AKAP11: variants seen among roughly 807,000 people sequenced by gnomAD.
The protein encoded by AKAP11 is A-kinase anchoring protein 11, also known as A-kinase anchor protein 11.
In AKAP11, 36 loss-of-function variants were observed where a neutral mutation model predicts 146.1. The observed-to-expected ratio is 0.25, with a 90% CI of 0.19 to 0.33. The LOEUF is 0.33. AKAP11 is among the 10% of genes least tolerant of loss of function. The probability of loss-of-function intolerance (pLI) is 1.00; values close to 1 mark genes in which losing one functional copy is unlikely to be tolerated. For missense variants in AKAP11, 2,201 were observed against 2,197.0 expected, an observed-to-expected ratio of 1.00 and a Z score of -0.04; for synonymous variants, 780 against 786.5, an observed-to-expected ratio of 0.99 and a Z score of 0.14.
chr13:42,314,343 G>A lies in AKAP11; in HGVS notation c.5404+403G>A, dbSNP rs115022859. Among the ~76,000 whole-genome samples the A allele has an allele frequency of 9.3e-3, 1,401 of 151,360 alleles. 24 individuals carry two copies. Among genetic ancestry groups the A allele is most frequent in the African/African-American group, 0.032 (1,306 of 41,218 alleles). On this transcript the variant is annotated intron_variant, in intron 11 of 12. Coordinates refer to ENST00000025301, the MANE Select transcript of AKAP11 (RefSeq NM_016248.4). ...ACCTGTAATCCCAGCTATTTGAGAG[G>A]CTGAGGCGCAGGATTCACTTGAACC... is the stretch of plus-strand genomic sequence containing the variant.
intron 7 of AKAP11, 133 bp downstream of exon 7, chr13:42,298,930 T>C: frequency 1.1e-6 from 1 of 912,778 alleles, no homozygotes; most frequent in Non-Finnish European, 1.6e-6. Context: ...ACTTTTTTTC[T>C]GATTACCTAA....
chr13:42,282,692 G>A (rs1959090125), intron 1 of AKAP11, among the ~76,000 whole-genome samples: 1 of 151,892 alleles, frequency 6.6e-6, no homozygotes, highest in Non-Finnish European at 1.5e-5. Flanking sequence ...CTGCTTTTTT[G>A]TTATTTCTAA....
At chr13:42,318,483 T>C (rs192717159) in intron 12 of AKAP11, among the ~76,000 whole-genome samples, 23 of 152,324 alleles carry the variant, frequency 1.5e-4, no homozygotes, top group African/African-American at 4.8e-4. Flanking sequence ...CTTAAGAGCT[T>C]TTACAGAACT....
In AKAP11 at chr13:42,303,045, C is replaced by G; in HGVS notation, c.4299C>G (p.Tyr1433Ter). The G allele has an allele frequency of 1.2e-6, 2 of 1,612,924 alleles. No homozygotes were observed. The highest frequency in any genetic ancestry group is 1.7e-6 in the Non-Finnish European group (2 of 1,179,798). The change falls in exon 8 of 13, where the codon TAC becomes TAG. Residue 1433 changes from tyrosine (Y) to a stop codon, truncating the protein, a stop_gained. Transcript: ENST00000025301. LOFTEE classifies it high-confidence loss of function. Reference sequence around the variant, plus strand: ...GACAAAGTAAAAGAAATGAAGGTTACTTTTGTAAAAATCAAACTTGTGAAA... The same window carrying G: ...GACAAAGTAAAAGAAATGAAGGTTAGTTTTGTAAAAATCAAACTTGTGAAA... The part of the protein sequence containing the change: ...KKRQSKRNEG[Y>*]FCKNQTCERT...
At chr13:42,316,327 C>T (rs982554509) in intron 11 of AKAP11, among the ~76,000 whole-genome samples, 2 of 151,906 alleles carry the variant, frequency 1.3e-5, no homozygotes, top group Non-Finnish European at 2.9e-5. Flanking sequence ...GCCAGCATGC[C>T]CTGGTGCTCA....
Position 42,301,383 on chromosome 13 carries a change from G to C in AKAP11, c.2637G>C (p.Val879=), listed in dbSNP as rs756555186. ...PAIISNFSAA[V]VHTIVNETLE... ...TTATTAGCAACTTTTCTGCAGCAGTGGTGCATACGATAGTAAATGAAACTT... is the reference window on the plus strand; with the variant it reads ...TTATTAGCAACTTTTCTGCAGCAGTCGTGCATACGATAGTAAATGAAACTT... The change falls in exon 8 of 13, where the codon GTG becomes GTC. Residue 879 remains valine (V), a synonymous_variant. Coordinates refer to ENST00000025301, the MANE Select transcript of AKAP11 (RefSeq NM_016248.4). 6.2e-7 allele frequency: 1 copy of C among 1,612,656 alleles called. No homozygotes were observed. Among genetic ancestry groups the C allele is most frequent in the Non-Finnish European group, 8.5e-7 (1 of 1,179,464 alleles).
chr13:42,318,737 C>T (rs1960946938), intron 12 of AKAP11, among the ~76,000 whole-genome samples: 1 of 151,978 alleles, frequency 6.6e-6, no homozygotes, highest in Non-Finnish European at 1.5e-5. Context: ...ATTTTATGTC[C>T]TAATTGAGGG....
chr13:42,301,790 T>G lies in AKAP11; in HGVS notation c.3044T>G (p.Val1015Gly), dbSNP rs1472184259. ...GTTCCAGAATGTAAAGTTTCTATGG[T>G]TCATGGATCCTCCCTAGAGACACTG... ...DCVPECKVSMVHGSSLETLPS... is the reference protein window; with the variant it reads ...DCVPECKVSMGHGSSLETLPS... The change falls in exon 8 of 13, where the codon GTT becomes GGT. Residue 1015 changes from valine to glycine, a missense_variant. By Grantham distance (109) the Val-to-Gly change is moderately radical. Transcript: ENST00000025301. 2 of 1,614,112 alleles carry G rather than the reference T, an allele frequency of 1.2e-6. No individual in the cohort carries two copies. Among genetic ancestry groups the G allele is most frequent in the Non-Finnish European group, 8.5e-7 (1 of 1,179,984 alleles).
intron 3 of AKAP11, among the ~76,000 whole-genome samples, chr13:42,290,956 A>G (rs186907478): frequency 1.3e-5 from 2 of 152,318 alleles, no homozygotes; most frequent in African/African-American, 4.8e-5. Context: ...ACTGAAGGTC[A>G]TTGTTTCTAA....
At position 42,303,206 on chromosome 13, in the gene AKAP11, C is replaced by A; in HGVS notation, c.4460C>A (p.Ser1487Tyr). 1 of 1,614,134 alleles carries A rather than the reference C, an allele frequency of 6.2e-7. No individual in the cohort carries two copies. The highest frequency in any genetic ancestry group is 1.1e-5 in the South Asian group (1 of 91,074). The change falls in exon 8 of 13, where the codon TCT (serine) becomes TAT (tyrosine). Residue 1487 changes from serine (S) to tyrosine (Y), a missense_variant. Transcript: ENST00000025301. ...LVGLPKSLTDSCLFEKSGYEE... is the reference protein window; with the variant it reads ...LVGLPKSLTDYCLFEKSGYEE... ...GGCCTACCAAAATCCTTAACAGATT[C>A]TTGCTTGTTTGAAAAATCTGGATAT...
intron 2 of AKAP11, 66 bp from the exon 3 acceptor site, chr13:42,286,234 T>A (rs1366539370): frequency 3.4e-6 from 2 of 594,064 alleles, no homozygotes; most frequent in Non-Finnish European, 5.6e-6. Context: ...TAAATTAATT[T>A]AGCACAAAAT....
Position 42,306,939 on chromosome 13 carries a change from G to C in AKAP11, c.5118-1515G>C, listed in dbSNP as rs570796116. Among the ~76,000 whole-genome samples, 278 of 152,232 alleles carry C rather than the reference G, an allele frequency of 1.8e-3. 1 individual carries two copies. The highest frequency in any genetic ancestry group is 3.0e-3 in the Non-Finnish European group (203 of 68,016). On this transcript the variant is annotated intron_variant, in intron 8 of 12. Transcript: ENST00000025301. ...GAGCTCAAGCAATCCTCCTGCCCTA[G>C]CCTCCCAAAGTGCTGAGATTGCAAG...
chr13:42,276,350 G>T (rs1958917969), intron 1 of AKAP11, among the ~76,000 whole-genome samples: 1 of 152,110 alleles, frequency 6.6e-6, no homozygotes, highest in South Asian at 2.1e-4. Flanking sequence ...GGGCTCAAGC[G>T]ATTCTCCCTT....
Position 42,296,120 on chromosome 13 carries a change from G to A in AKAP11, c.216+378G>A, listed in dbSNP as rs1349361405. On this transcript the variant is annotated intron_variant, in intron 5 of 12. Coordinates refer to ENST00000025301, the MANE Select transcript of AKAP11 (RefSeq NM_016248.4). ...TACATAAACAGTGGTTGAAGTTCCT[G>A]TACATATGATAGGCATACTTTTCTT... Among the ~76,000 whole-genome samples the A allele has an allele frequency of 3.3e-5, 5 of 152,172 alleles. No individual in the cohort carries two copies. The East Asian group carries it at 9.6e-4, about 29-fold the overall frequency.
intron 11 of AKAP11, among the ~76,000 whole-genome samples, chr13:42,314,903 A>G (rs1960746806): frequency 6.6e-6 from 1 of 151,964 alleles, no homozygotes; most frequent in Admixed American, 6.6e-5. Context: ...ATCTGAGTTT[A>G]TTCATCTGAG....
At chr13:42,288,395 T>C (rs1355523733) in intron 3 of AKAP11, among the ~76,000 whole-genome samples, 1 of 152,208 alleles carries the variant, frequency 6.6e-6, no homozygotes, top group African/African-American at 2.4e-5. Flanking sequence ...ATTTGTCTTG[T>C]TTGCTTTGTG....
upstream of AKAP11, among the ~76,000 whole-genome samples, chr13:42,271,582 A>T (rs1278626455): frequency 6.6e-6 from 1 of 152,196 alleles, no homozygotes; most frequent in Non-Finnish European, 1.5e-5. Flanking sequence ...AAGCAAAACT[A>T]GCCTTGTGGC....
rs201716260 is a variant in AKAP11, at chr13:42,285,106, G to GT, written c.-99-879dup. Among the ~76,000 whole-genome samples, 688 of 152,304 alleles carry GT rather than the reference G, an allele frequency of 4.5e-3. 3 individuals carry two copies. The highest frequency in any genetic ancestry group is 0.016 in the African/African-American group (662 of 41,564). On this transcript the variant is annotated intron_variant, in intron 1 of 12. Coordinates refer to ENST00000025301, the MANE Select transcript of AKAP11 (RefSeq NM_016248.4). ...ATTTAGTTTTTTAAAAGTTCTGACGGTGGGGGGCTAGATTGAAGTTTGTTT... is the reference window on the plus strand; with the variant it reads ...ATTTAGTTTTTTAAAAGTTCTGACGGTTGGGGGGCTAGATTGAAGTTTGTTT...
intron 8 of AKAP11, among the ~76,000 whole-genome samples, chr13:42,307,806 C>A (rs238315): frequency 1 from 151,593 of 152,292 alleles, 75,454 homozygotes; most frequent in Middle Eastern, 1. Flanking sequence ...GGTTTTGATC[C>A]GAAGACTGAC....
Sources: gnomAD v4.1 joint callset for allele counts (sites outside exome capture counted in the v4.1 genomes callset) on GRCh38, gnomAD v4.1.1 for gene constraint, MANE v1.5 for transcripts, NCBI Gene and HGNC (gene_info 2026-07-23, HGNC 2026-07-21) for gene names.